ACYP2: variants seen among roughly 807,000 people sequenced by gnomAD.
ACYP2 encodes the protein acylphosphatase 2, also known as acylphosphatase-2.
Under a neutral mutation model 11.2 loss-of-function variants are expected in ACYP2, and 12 were observed. The observed-to-expected ratio is 1.08, with a 90% CI of 0.69 to 1.74. ACYP2 has a LOEUF of 1.74. ACYP2 is among the 40% of genes most tolerant of loss of function. The pLI is 0.00. For missense variants in ACYP2, 134 were observed against 101.9 expected, an observed-to-expected ratio of 1.31 and a Z score of -1.35; for synonymous variants, 43 against 32.2, an observed-to-expected ratio of 1.33 and a Z score of -1.13.
At chr2:54,114,728 G>A (rs575238740) in intron 4 of ACYP2, among the ~76,000 whole-genome samples, 29 of 152,320 alleles carry the variant, frequency 1.9e-4, no homozygotes, top group African/African-American at 6.7e-4. Flanking sequence ...TGTATGAACA[G>A]CAGACAAGAT....
chr2:53,986,207 A>G (rs894040030), intron 2 of ACYP2, among the ~76,000 whole-genome samples: 1 of 152,074 alleles, frequency 6.6e-6, no homozygotes, highest in Non-Finnish European at 1.5e-5. Flanking sequence ...CTCCTCTCTC[A>G]CCATGTGCTC....
intron 2 of ACYP2, chr2:53,975,295 T>C (rs1027069881): frequency 1.5e-5 from 6 of 398,104 alleles, no homozygotes; most frequent in African/African-American, 8.2e-5. Flanking sequence ...ACATCTGAAC[T>C]GGAAAAGTTG....
chr2:54,214,913 T>C (rs1685495320), intron 6 of ACYP2, among the ~76,000 whole-genome samples: 1 of 152,198 alleles, frequency 6.6e-6, no homozygotes, highest in Non-Finnish European at 1.5e-5. Context: ...GTTTGTATCA[T>C]ATCTGATGTT....
At chr2:54,202,627 C>T (rs935388696) in intron 6 of ACYP2, among the ~76,000 whole-genome samples, 13 of 141,454 alleles carry the variant, frequency 9.2e-5, no homozygotes, top group Admixed American at 2.2e-4. Flanking sequence ...GGGTTGGTTT[C>T]GAACTCCTGA....
intron 6 of ACYP2, among the ~76,000 whole-genome samples, chr2:54,180,065 A>G (rs1683640667): frequency 6.6e-6 from 1 of 152,072 alleles, no homozygotes; most frequent in Non-Finnish European, 1.5e-5. Context: ...TTTCTAGGGT[A>G]GCTCATAGAA....
chr2:54,182,426 T>G (rs533937577), intron 6 of ACYP2, among the ~76,000 whole-genome samples: 94 of 152,260 alleles, frequency 6.2e-4, no homozygotes, highest in Non-Finnish European at 1.2e-3. Flanking sequence ...ACTGAAGCCT[T>G]GACCTTCCAG....
intron 4 of ACYP2, among the ~76,000 whole-genome samples, chr2:54,118,092 C>T (rs1196642647): frequency 6.6e-6 from 1 of 152,074 alleles, no homozygotes; most frequent in Admixed American, 6.6e-5. Flanking sequence ...GATGATTGTG[C>T]AAAGGGAGGT....
chr2:54,039,817 T>TGTG (rs1553359323), intron 2 of ACYP2, among the ~76,000 whole-genome samples: 2 of 106,404 alleles, frequency 1.9e-5, no homozygotes, highest in Non-Finnish European at 4.1e-5. Flanking sequence ...ATTTGTTTTC[T>TGTG]TTTGTGTGTG....
intron 6 of ACYP2, among the ~76,000 whole-genome samples, chr2:54,185,410 A>G (rs116540085): frequency 2.8e-3 from 419 of 152,280 alleles, no homozygotes; most frequent in African/African-American, 9.6e-3. Flanking sequence ...TACATGTGTT[A>G]TTCAGTGGTA....
intron 4 of ACYP2, among the ~76,000 whole-genome samples, chr2:54,069,174 G>A (rs971969592): frequency 4.6e-5 from 7 of 152,142 alleles, no homozygotes; most frequent in Admixed American, 2.0e-4. Context: ...CAAACAATCC[G>A]CCTGCCCAGG....
chr2:54,043,633 T>C (rs1341464980), intron 2 of ACYP2, among the ~76,000 whole-genome samples: 2 of 152,238 alleles, frequency 1.3e-5, no homozygotes, highest in African/African-American at 4.8e-5. Context: ...TTATATGATA[T>C]ATGAATTTCA....
intron 2 of ACYP2, among the ~76,000 whole-genome samples, chr2:53,976,991 C>A (rs527940851): frequency 6.6e-6 from 1 of 152,186 alleles, no homozygotes; most frequent in South Asian, 2.1e-4. Context: ...TTTCTTTGTA[C>A]TCCTTGTAGA....
At chr2:54,275,029 C>G (rs1250551393) in intron 6 of ACYP2, among the ~76,000 whole-genome samples, 1 of 152,102 alleles carries the variant, frequency 6.6e-6, no homozygotes, top group Non-Finnish European at 1.5e-5. Flanking sequence ...TTTCAGGCTT[C>G]TGAATATTAT....
At chr2:54,225,208 T>C (rs1685962649) in intron 6 of ACYP2, among the ~76,000 whole-genome samples, 1 of 152,196 alleles carries the variant, frequency 6.6e-6, no homozygotes, top group Non-Finnish European at 1.5e-5. Flanking sequence ...TATCTGGCTG[T>C]GGACAACACG....
intron 2 of ACYP2, among the ~76,000 whole-genome samples, chr2:54,024,523 T>C (rs988347316): frequency 2.6e-5 from 4 of 152,194 alleles, no homozygotes; most frequent in East Asian, 3.8e-4. Flanking sequence ...AAAAAGCATT[T>C]GACAAAATCC....
At chr2:54,155,784 G>T (rs1272192299) in intron 6 of ACYP2, among the ~76,000 whole-genome samples, 1 of 152,158 alleles carries the variant, frequency 6.6e-6, no homozygotes, top group Non-Finnish European at 1.5e-5. Context: ...TTTGTCTCAA[G>T]ATATTTTTAA....
intron 6 of ACYP2, among the ~76,000 whole-genome samples, chr2:54,179,135 GC>G (rs539770151): frequency 6.5e-4 from 98 of 151,810 alleles, no homozygotes; most frequent in Admixed American, 1.6e-3. Flanking sequence ...ATGCCTTAAT[GC>G]GCTTATTAAA....
At chr2:54,211,249 A>C (rs1450239352) in intron 6 of ACYP2, among the ~76,000 whole-genome samples, 2 of 152,244 alleles carry the variant, frequency 1.3e-5, no homozygotes, top group African/African-American at 4.8e-5. Flanking sequence ...TTTGTTTTAG[A>C]AATACTGTTA....
At chr2:54,058,274 A>G (rs913938100) in intron 4 of ACYP2, among the ~76,000 whole-genome samples, 1 of 150,340 alleles carries the variant, frequency 6.7e-6, no homozygotes, top group African/African-American at 2.5e-5. Context: ...GTACAAAGCT[A>G]TATACAATAT....
Sources: gnomAD v4.1 joint callset for allele counts (sites outside exome capture counted in the v4.1 genomes callset) on GRCh38, gnomAD v4.1.1 for gene constraint, MANE v1.5 for transcripts, NCBI Gene and HGNC (gene_info 2026-07-23, HGNC 2026-07-21) for gene names.